The following EYS variants were observed in gnomAD, a reference collection of about 807,000 sequenced individuals.
EYS encodes protein eyes shut homolog.
In EYS, 250 loss-of-function variants were observed where a neutral mutation model predicts 282.1. That is an observed-to-expected ratio of 0.89 (90% confidence interval 0.80 to 0.98). EYS has a LOEUF of 0.98. Ranked by LOEUF, EYS falls within the 50% of genes least tolerant of loss-of-function variation. The pLI is 0.00. For missense variants in EYS, 4,016 were observed against 3,709.0 expected (o/e 1.08, Z -2.15); for synonymous variants, 1,355 against 1,282.9 (o/e 1.06, Z -1.20).
rs1196180888 is a variant in EYS at position 64,839,289 on chromosome 6, A to C, written c.2993-16467T>G. 2.6e-5 allele frequency among the ~76,000 whole-genome samples: 4 copies of C among 152,174 alleles called. No individual in the cohort carries two copies. The South Asian group carries it at 6.2e-4, about 24-fold the overall frequency. On this transcript the variant is annotated intron_variant, in intron 19 of 42. Coordinates refer to ENST00000503581, the MANE Select transcript of EYS (RefSeq NM_001142800.2). ...GTCATTAGATAATTATCAATTCCAC[A>C]TATAATTTTTATAGATCCTACCAGT...
chr6:65,093,727 TA>T (rs1168195646), intron 12 of EYS, among the ~76,000 whole-genome samples: 1 of 151,728 alleles, frequency 6.6e-6, no homozygotes, highest in Non-Finnish European at 1.5e-5. Flanking sequence ...AAAATACCTA[TA>T]AAATAGATAG....
At chr6:65,411,782 G>T (rs141896493) in intron 5 of EYS, among the ~76,000 whole-genome samples, 1 of 149,284 alleles carries the variant, frequency 6.7e-6, no homozygotes, top group Non-Finnish European at 1.5e-5. Context: ...ATGCCCTTGA[G>T]ATACATTAAA....
At chr6:65,168,346 A>G (rs1562001203) in intron 12 of EYS, among the ~76,000 whole-genome samples, 1 of 151,454 alleles carries the variant, frequency 6.6e-6, no homozygotes. Context: ...TAGGGCTGCC[A>G]TAACAGAATA....
intron 14 of EYS, among the ~76,000 whole-genome samples, chr6:64,965,706 A>G (rs1416904350): frequency 6.6e-6 from 1 of 152,082 alleles, no homozygotes; most frequent in Non-Finnish European, 1.5e-5. Context: ...CTGACCATTC[A>G]ATTGGTTTTA....
intron 11 of EYS, among the ~76,000 whole-genome samples, chr6:65,322,795 C>CAAAAAAAA (rs57571912): frequency 1.4e-5 from 1 of 71,562 alleles, no homozygotes; most frequent in African/African-American, 4.9e-5. Context: ...GAATCCGTCT[C>CAAAAAAAA]AAAAAAAAAA....
chr6:63,842,126 G>T (rs1425170140), intron 36 of EYS, among the ~76,000 whole-genome samples: 2 of 152,164 alleles, frequency 1.3e-5, no homozygotes, highest in Non-Finnish European at 2.9e-5. Context: ...GTATACACCA[G>T]TAATAAGATT....
chr6:64,439,328 C>G lies in EYS; in HGVS notation c.5669G>C (p.Gly1890Ala). The G allele has an allele frequency of 6.6e-7, 1 of 1,507,332 alleles. No individual in the cohort carries two copies. Among genetic ancestry groups the G allele is most frequent in the South Asian group, 1.3e-5 (1 of 74,086 alleles). The allele number at this position is 1,507,332 out of a possible 1,614,324, so 93.4% of individuals were successfully genotyped here. A position where few individuals can be genotyped will look rare whatever the true frequency, so the allele number is the denominator to read the frequency against. The change falls in exon 27 of 43, where the codon GGA becomes GCA. Residue 1890 changes from glycine to alanine, a missense_variant. Gly to Ala is a moderately conservative substitution (Grantham distance 60). Transcript: ENST00000503581. ...ATTCTGAAATTCTAGATAAGAATCT[C>G]CATAATAACGAACACAACTGAAATC... Reference protein sequence around the residue: ...ISDFSCVRYYGDSYLEFQNVA... With the variant: ...ISDFSCVRYYADSYLEFQNVA...
chr6:65,071,025 A>G (rs964127626), intron 12 of EYS, among the ~76,000 whole-genome samples: 3 of 151,836 alleles, frequency 2.0e-5, no homozygotes, highest in Non-Finnish European at 4.4e-5. Flanking sequence ...GACATTTACT[A>G]TCTTAAAGAC....
At chr6:64,188,999 A>G (rs1441629056) in intron 31 of EYS, among the ~76,000 whole-genome samples, 1 of 152,166 alleles carries the variant, frequency 6.6e-6, no homozygotes, top group East Asian at 1.9e-4. Flanking sequence ...AACATTACAA[A>G]AAATCATTGT....
chr6:65,247,938 G>T (rs1456746119), intron 12 of EYS, among the ~76,000 whole-genome samples: 1 of 151,574 alleles, frequency 6.6e-6, no homozygotes, highest in Non-Finnish European at 1.5e-5. Flanking sequence ...TGCTTATTTT[G>T]GAAAAAAATG....
At position 65,490,577 on chromosome 6, in the gene EYS, A is replaced by C. The variant is rs1370203872; in HGVS notation, c.862+17T>G. On this transcript the variant is annotated intron_variant, in intron 5 of 42. Coordinates refer to ENST00000503581, the MANE Select transcript of EYS (RefSeq NM_001142800.2). ...AAGTTACTTGTGTATATGGTTGTAT[A>C]CATATGCATTTTTTACCTGAAAATT... 7.7e-7 allele frequency: 1 copy of C among 1,293,424 alleles called. No homozygotes were observed. The highest frequency in any genetic ancestry group is 1.7e-5 in the Admixed American group (1 of 59,418). The allele number at this position is 1,293,424 out of a possible 1,614,324, so 80.1% of individuals were successfully genotyped here. A position where few individuals can be genotyped will look rare whatever the true frequency, so the allele number is the denominator to read the frequency against.
At chr6:64,738,869 T>C (rs1772276229) in intron 22 of EYS, among the ~76,000 whole-genome samples, 1 of 152,194 alleles carries the variant, frequency 6.6e-6, no homozygotes, top group African/African-American at 2.4e-5. Flanking sequence ...GAGATTCTCC[T>C]GCCTCAGGCT....
intron 22 of EYS, among the ~76,000 whole-genome samples, chr6:64,669,606 T>C (rs1439823752): frequency 6.6e-6 from 1 of 152,236 alleles, no homozygotes; most frequent in African/African-American, 2.4e-5. Context: ...TATTTTTATT[T>C]GTGCAATGGA....
chr6:64,414,293 C>A (rs997479742), intron 28 of EYS, among the ~76,000 whole-genome samples: 2 of 152,056 alleles, frequency 1.3e-5, no homozygotes, highest in Non-Finnish European at 2.9e-5. Flanking sequence ...ATCAATGGAG[C>A]CATGCCTTCA....
At position 64,902,044 on chromosome 6, in the gene EYS, CAT is replaced by C. The variant is rs1258521040; in HGVS notation, c.2846+67_2846+68del. On this transcript the variant is annotated intron_variant, in intron 18 of 42. Coordinates refer to ENST00000503581, the MANE Select transcript of EYS (RefSeq NM_001142800.2). ...AGCTGCCTTAGTTACATAATGAGCA[CAT>C]GTGTGCTCACTTTCTTGTTGAATTA... 27 of 1,007,770 alleles carry C rather than the reference CAT, an allele frequency of 2.7e-5. No individual in the cohort carries two copies. In the African/African-American group the frequency reaches 2.8e-4, roughly 11 times the overall value. 62.4% of individuals were successfully genotyped at this position (1,007,770 alleles called of 1,614,324 possible). A position where few individuals can be genotyped will look rare whatever the true frequency, so the allele number is the denominator to read the frequency against.
chr6:64,469,688 G>A (rs528939495), intron 26 of EYS, among the ~76,000 whole-genome samples: 196 of 152,118 alleles, frequency 1.3e-3, no homozygotes, highest in Non-Finnish European at 2.4e-3. Context: ...CCGCTACTTA[G>A]TGGACCGGGA....
chr6:64,334,083 A>G (rs1419738566), intron 29 of EYS, among the ~76,000 whole-genome samples: 1 of 152,210 alleles, frequency 6.6e-6, no homozygotes, highest in East Asian at 1.9e-4. Context: ...TAGGTCAACA[A>G]TATTTTGAAG....
At chr6:65,620,340 G>A (rs12210826) in intron 2 of EYS, among the ~76,000 whole-genome samples, 55,551 of 151,936 alleles carry the variant, frequency 0.37, 12,234 homozygotes, top group Non-Finnish European at 0.49. Context: ...GTTTATTTGC[G>A]TAGAGGTGTT....
At chr6:65,385,040 C>A (rs1427759634) in intron 7 of EYS, among the ~76,000 whole-genome samples, 2 of 151,830 alleles carry the variant, frequency 1.3e-5, no homozygotes, top group African/African-American at 2.4e-5. Context: ...TCATTAACTG[C>A]AATCTATAAG....
Sources: allele counts gnomAD v4.1 joint callset (sites outside exome capture counted in the v4.1 genomes callset), GRCh38; gene constraint gnomAD v4.1.1; transcripts MANE v1.5; gene names NCBI Gene and HGNC (gene_info 2026-07-23, HGNC 2026-07-21).